CTRB1: variants seen among roughly 807,000 people sequenced by gnomAD.
The protein encoded by CTRB1 is chymotrypsinogen B.
Under a neutral mutation model 20.4 loss-of-function variants are expected in CTRB1, and 15 were observed. That is an observed-to-expected ratio of 0.74 (90% CI 0.49 to 1.13). The LOEUF (loss-of-function observed/expected upper bound fraction) is 1.13, where lower values mean the gene tolerates loss of function less well. Among genes scored for constraint, CTRB1 ranks in the 50% most tolerant of loss-of-function variants. CTRB1 has a pLI of 0.00. For synonymous variants in CTRB1, 92 were observed against 128.4 expected, an observed-to-expected ratio of 0.72 and a Z score of 1.92; for missense variants, 227 against 290.1, an observed-to-expected ratio of 0.78 and a Z score of 1.58.
intron 1 of CTRB1, among the ~76,000 whole-genome samples, chr16:75,220,495 T>G (rs970234612): frequency 2.7e-4 from 41 of 152,148 alleles, no homozygotes; most frequent in African/African-American, 9.7e-4. Context: ...GGGGTCTTAT[T>G]ATGTTGTCCA....
intron 6 of CTRB1, 29 bp from the exon 7 acceptor site, chr16:75,224,676 A>T: frequency 6.3e-7 from 1 of 1,590,098 alleles, no homozygotes; most frequent in Non-Finnish European, 8.5e-7. Flanking sequence ...CGGCTGCCAG[A>T]TCCAAGCCCC....
chr16:75,223,928 G>C, intron 5 of CTRB1, 127 bp from the exon 6 acceptor site: 1 of 366,748 alleles, frequency 2.7e-6, no homozygotes, highest in Non-Finnish European at 4.6e-6. Flanking sequence ...GCGCTTCTGA[G>C]GCTCCAGGGG....
chr16:75,220,459 C>T (rs533265940), intron 1 of CTRB1, among the ~76,000 whole-genome samples: 1 of 152,204 alleles, frequency 6.6e-6, no homozygotes, highest in South Asian at 2.1e-4. Flanking sequence ...GATGGGATTA[C>T]AGGCGTGAGC....
At chr16:75,224,270 TCTA>T in intron 6 of CTRB1, 82 bp downstream of exon 6, 1 of 1,541,880 alleles carries the variant, frequency 6.5e-7, no homozygotes. Flanking sequence ...TCTGCTCTCA[TCTA>T]CTAACCCCAC....
intron 6 of CTRB1, among the ~76,000 whole-genome samples, 173 bp downstream of exon 6, chr16:75,224,361 A>G (rs1178150478): frequency 2.0e-5 from 3 of 152,188 alleles, no homozygotes; most frequent in South Asian, 2.1e-4. Flanking sequence ...GGAGTTGTGC[A>G]GTGCACAATC....
Position 75,224,872 on chromosome 16 carries a change from C to A in CTRB1, c.*6C>A. 1.9e-6 allele frequency: 3 copies of A among 1,613,394 alleles called. No individual in the cohort carries two copies. Among genetic ancestry groups the A allele is most frequent in the Non-Finnish European group, 2.5e-6 (3 of 1,179,992 alleles). ...AGATCCTGGCTGCCAACTGAGCCCG[C>A]GGCTCCCTCCGACCCTGCTCCCCAC... On this transcript the variant is annotated 3_prime_UTR_variant, in exon 7 of 7. Transcript: ENST00000361017.
Position 75,224,041 on chromosome 16 carries a change from C to T in CTRB1, c.497-14C>T, listed in dbSNP as rs1235686130. The stretch of plus-strand genomic sequence containing the variant: ...AGTGAGCCCAGGGGCCCTGACCCTC[C>T]TCCTGTCCTGCAGCCAACAAGACCC... On this transcript the variant is annotated splice_polypyrimidine_tract_variant and intron_variant, in intron 5 of 6. Coordinates refer to ENST00000361017, the MANE Select transcript of CTRB1 (RefSeq NM_001906.6). 2 of 984,148 alleles carry T rather than the reference C, an allele frequency of 2.0e-6. No homozygotes were observed. Among genetic ancestry groups the T allele is most frequent in the East Asian group, 2.7e-5 (1 of 36,800 alleles). The allele number at this position is 984,148 out of a possible 1,614,324, so 61.0% of individuals were successfully genotyped here. A position where few individuals can be genotyped will look rare whatever the true frequency, so the allele number is the denominator to read the frequency against.
At chr16:75,219,446 C>T (rs1208775777) in intron 1 of CTRB1, among the ~76,000 whole-genome samples, 2 of 151,578 alleles carry the variant, frequency 1.3e-5, no homozygotes, top group Non-Finnish European at 2.9e-5. Flanking sequence ...GGCTGGAGTG[C>T]AATGGTGCAA....
intron 1 of CTRB1, among the ~76,000 whole-genome samples, chr16:75,220,921 C>A (rs1294484688): frequency 2.0e-5 from 3 of 152,080 alleles, no homozygotes; most frequent in Admixed American, 2.0e-4. Context: ...ACCACCCCAG[C>A]TAATTTTTGT....
chr16:75,222,043 A>G (rs2039092744), intron 1 of CTRB1, among the ~76,000 whole-genome samples: 1 of 135,950 alleles, frequency 7.4e-6, no homozygotes, highest in Non-Finnish European at 1.5e-5. Context: ...CCTGGGCAAC[A>G]GAGCAAGACT....
At chr16:75,221,961 T>A (rs1201407961) in intron 1 of CTRB1, among the ~76,000 whole-genome samples, 1 of 149,066 alleles carries the variant, frequency 6.7e-6, no homozygotes, top group African/African-American at 2.5e-5. Flanking sequence ...CTCGGGAGGC[T>A]GAGGCAGGAG....
chr16:75,222,590 A>G, intron 1 of CTRB1, 178 bp from the exon 2 acceptor site: 1 of 652,542 alleles, frequency 1.5e-6, no homozygotes, highest in Non-Finnish European at 2.6e-6. Flanking sequence ...CAGCAGGCCG[A>G]GAGTTGGGAA....
Position 75,222,754 on chromosome 16 carries a change from C to T in CTRB1, c.53-14C>T. 2 of 1,555,010 alleles carry T rather than the reference C, an allele frequency of 1.3e-6. No individual in the cohort carries two copies. The highest frequency in any genetic ancestry group is 2.4e-5 in the East Asian group (1 of 41,446). On this transcript the variant is annotated splice_polypyrimidine_tract_variant and intron_variant, in intron 1 of 6. Coordinates refer to ENST00000361017, the MANE Select transcript of CTRB1 (RefSeq NM_001906.6). ...TTTGGGGCCTCAGCCCTTATTCACCCCACTCCCCCCCAGGCTGCGGGGTCC... is the reference window on the plus strand; with the variant it reads ...TTTGGGGCCTCAGCCCTTATTCACCTCACTCCCCCCCAGGCTGCGGGGTCC...
Position 75,224,460 on chromosome 16 carries a change from C to T in CTRB1, c.631-245C>T, listed in dbSNP as rs528582087. ...TGGCCAGCCCCACCATGCTCTTCCT[C>T]CTATTGGTCAAACCAGCTTTACTGA... On this transcript the variant is annotated intron_variant, in intron 6 of 6. Coordinates refer to ENST00000361017, the MANE Select transcript of CTRB1 (RefSeq NM_001906.6). 1.8e-3 allele frequency among the ~76,000 whole-genome samples: 271 copies of T among 152,260 alleles called. 1 individual carries two copies. Among genetic ancestry groups the T allele is most frequent in the Non-Finnish European group, 3.4e-3 (233 of 68,050 alleles).
rs1355241630 is a variant in CTRB1, at chr16:75,219,000, G to A, written c.-8G>A. The A allele has an allele frequency of 1.3e-6, 2 of 1,582,094 alleles. No homozygotes were observed. Among genetic ancestry groups the A allele is most frequent in the Admixed American group, 1.8e-5 (1 of 55,564 alleles). On this transcript the variant is annotated 5_prime_UTR_variant, in exon 1 of 7. Transcript: ENST00000361017. ...GCTGGCAGGCCCCACACCTTCTGAG[G>A]CAGCGGCATGGCTTCCCTCTGGCTC...
chr16:75,220,762 T>C (rs1214282532), intron 1 of CTRB1, among the ~76,000 whole-genome samples: 1 of 151,954 alleles, frequency 6.6e-6, no homozygotes, highest in East Asian at 1.9e-4. Context: ...CTCTTATTTA[T>C]TTATTTATTT....
At position 75,222,723 on chromosome 16, in the gene CTRB1, G is replaced by A. The variant is rs200523815; in HGVS notation, c.53-45G>A. 1,366 of 1,531,064 alleles carry A rather than the reference G, an allele frequency of 8.9e-4. 14 individuals carry two copies. The Middle Eastern group carries it at 0.017, about 19-fold the overall frequency. 94.8% of individuals were successfully genotyped at this position (1,531,064 alleles called of 1,614,324 possible). ...GCTGCACGCAGGCAGGTGAGGCCCA[G>A]GTGGGTTTGGGGCCTCAGCCCTTAT... is the stretch of plus-strand genomic sequence containing the variant. On this transcript the variant is annotated intron_variant, in intron 1 of 6. Coordinates refer to ENST00000361017, the MANE Select transcript of CTRB1 (RefSeq NM_001906.6).
intron 1 of CTRB1, among the ~76,000 whole-genome samples, chr16:75,221,392 C>T (rs980578823): frequency 6.6e-6 from 1 of 151,778 alleles, no homozygotes; most frequent in African/African-American, 2.4e-5. Flanking sequence ...TGGAGTTTGG[C>T]TCTGTCACCC....
At chr16:75,220,718 G>T (rs866394936) in intron 1 of CTRB1, among the ~76,000 whole-genome samples, 1 of 151,936 alleles carries the variant, frequency 6.6e-6, no homozygotes, top group Non-Finnish European at 1.5e-5. Flanking sequence ...TTTATAATGC[G>T]TGCTCTGTTG....
Sources: gnomAD v4.1 joint callset for allele counts (sites outside exome capture counted in the v4.1 genomes callset) on GRCh38, gnomAD v4.1.1 for gene constraint, MANE v1.5 for transcripts, NCBI Gene and HGNC (gene_info 2026-07-23, HGNC 2026-07-21) for gene names.